Variants in ATP9B observed in about 807,000 individuals in gnomAD.
The protein encoded by ATP9B is ATPase phospholipid transporting 9B.
A neutral mutation model predicts 146.1 loss-of-function variants in ATP9B; 110 were observed. That is an observed-to-expected ratio of 0.75 (90% confidence interval 0.65 to 0.88). The LOEUF is 0.88. Among genes scored for constraint, ATP9B ranks in the 40% least tolerant of loss-of-function variants. The probability of loss-of-function intolerance (pLI) is 0.00; values close to 1 mark genes in which losing one functional copy is unlikely to be tolerated. For synonymous variants in ATP9B, 604 were observed against 569.7 expected, an observed-to-expected ratio of 1.06 and a Z score of -0.86; for missense variants, 1,499 against 1,496.4, an observed-to-expected ratio of 1.00 and a Z score of -0.03.
intron 11 of ATP9B, among the ~76,000 whole-genome samples, chr18:79,240,895 G>GA (rs2095881465): frequency 1.3e-5 from 2 of 152,196 alleles, no homozygotes; most frequent in African/African-American, 4.8e-5. Context: ...TGGGGACGGG[G>GA]AGCTGCTCGG....
In ATP9B at chr18:79,348,273, A is replaced by T. The variant is rs556479366; in HGVS notation, c.2903+77A>T. On this transcript the variant is annotated intron_variant, in intron 25 of 29. Transcript: ENST00000426216. ...GAAAAAAAAAAAAAAAAAAAAACAA[A>T]AAACGTATATAGAAGATTCTTGATA... 53 of 1,234,168 alleles carry T rather than the reference A, an allele frequency of 4.3e-5. No homozygotes were observed. In the African/African-American group the frequency reaches 7.2e-4, roughly 17 times the overall value. The allele number at this position is 1,234,168 out of a possible 1,614,324, so 76.5% of individuals were successfully genotyped here. A position where few individuals can be genotyped will look rare whatever the true frequency, so the allele number is the denominator to read the frequency against.
At chr18:79,232,142 GGAAGGAATTCTT>G (rs1384910826) in intron 11 of ATP9B, among the ~76,000 whole-genome samples, 1 of 152,090 alleles carries the variant, frequency 6.6e-6, no homozygotes, top group Admixed American at 6.5e-5. Context: ...CCCACCTGGG[GGAAGGAATTCTT>G]TCACTCCAAC....
chr18:79,275,685 G>A (rs932542528), intron 12 of ATP9B, among the ~76,000 whole-genome samples: 8 of 152,382 alleles, frequency 5.2e-5, no homozygotes, highest in East Asian at 3.9e-4. Flanking sequence ...AGCTGCAGCC[G>A]TCCTGCACCA....
intron 1 of ATP9B, among the ~76,000 whole-genome samples, chr18:79,071,474 A>G (rs185447969): frequency 7.6e-6 from 1 of 131,132 alleles, no homozygotes; most frequent in African/African-American, 2.9e-5. Context: ...AGCTCATTAC[A>G]GCTTTGATCT....
intron 9 of ATP9B, among the ~76,000 whole-genome samples, chr18:79,199,709 A>G (rs909100097): frequency 6.6e-6 from 1 of 151,670 alleles, no homozygotes; most frequent in African/African-American, 2.4e-5. Context: ...GGTTGCAGTG[A>G]GCTGAGATTG....
intron 12 of ATP9B, among the ~76,000 whole-genome samples, chr18:79,255,722 C>T (rs1422434799): frequency 1.3e-5 from 2 of 152,116 alleles, no homozygotes; most frequent in African/African-American, 2.4e-5. Context: ...CGAATGGGGT[C>T]GAGTCTCTGG....
At chr18:79,224,876 C>G (rs1452365866) in intron 11 of ATP9B, among the ~76,000 whole-genome samples, 1 of 151,820 alleles carries the variant, frequency 6.6e-6, no homozygotes, top group African/African-American at 2.4e-5. Context: ...TAGGAAACAC[C>G]AGTGGAGAAG....
intron 7 of ATP9B, among the ~76,000 whole-genome samples, chr18:79,168,897 C>T (rs1271116504): frequency 6.6e-6 from 1 of 152,066 alleles, no homozygotes; most frequent in African/African-American, 2.4e-5. Context: ...TTCCATGCCT[C>T]ATTCTTCTCC....
intron 15 of ATP9B, among the ~76,000 whole-genome samples, chr18:79,323,647 T>C (rs1348725992): frequency 6.6e-6 from 1 of 152,208 alleles, no homozygotes; most frequent in African/African-American, 2.4e-5. Context: ...TCTCATTCTT[T>C]AGTGATGGCT....
chr18:79,070,409 TC>T (rs375297914), intron 1 of ATP9B, among the ~76,000 whole-genome samples: 5 of 152,340 alleles, frequency 3.3e-5, no homozygotes, highest in African/African-American at 9.6e-5. Context: ...CGATTTACTC[TC>T]GGGTAACTTA....
chr18:79,154,498 T>C lies in ATP9B; in HGVS notation c.727-6T>C, dbSNP rs1434696695. On this transcript the variant is annotated splice_polypyrimidine_tract_variant and splice_region_variant and intron_variant, in intron 6 of 29. Coordinates refer to ENST00000426216, the MANE Select transcript of ATP9B (RefSeq NM_198531.5). ...GATAATTAATCTTTTATAATGCTCT[T>C]TGCAGAATCAAAGAATTCCATCGGA... 2.6e-6 allele frequency: 4 copies of C among 1,536,600 alleles called. No homozygotes were observed. The highest frequency in any genetic ancestry group is 3.5e-6 in the Non-Finnish European group (4 of 1,149,530).
intron 1 of ATP9B, among the ~76,000 whole-genome samples, chr18:79,082,374 G>A (rs1172928969): frequency 6.6e-6 from 1 of 152,112 alleles, no homozygotes; most frequent in Non-Finnish European, 1.5e-5. Context: ...GGAGGAGTTT[G>A]TTATTACCCA....
chr18:79,373,508 T>TTTTTTA (rs1555889598), intron 27 of ATP9B, among the ~76,000 whole-genome samples: 1 of 148,100 alleles, frequency 6.8e-6, no homozygotes, highest in African/African-American at 2.5e-5. Context: ...TTTTTTTTTT[T>TTTTTTA]AGACAGAGTC....
intron 11 of ATP9B, among the ~76,000 whole-genome samples, chr18:79,234,414 G>A (rs934701587): frequency 1.3e-5 from 2 of 152,220 alleles, no homozygotes; most frequent in East Asian, 1.9e-4. Flanking sequence ...ATTTACACCC[G>A]TGCAGGTGCA....
At chr18:79,140,099 T>TG (rs915183386) in intron 5 of ATP9B, among the ~76,000 whole-genome samples, 7 of 152,134 alleles carry the variant, frequency 4.6e-5, no homozygotes, top group African/African-American at 1.7e-4. Flanking sequence ...AGGTTAGACT[T>TG]GCTGTGTCAT....
At chr18:79,279,327 C>T (rs909356195) in intron 13 of ATP9B, among the ~76,000 whole-genome samples, 1 of 152,174 alleles carries the variant, frequency 6.6e-6, no homozygotes, top group Admixed American at 6.5e-5. Flanking sequence ...GGAAACCAGC[C>T]CTTTGGAGGA....
At chr18:79,327,757 G>C (rs1467463728) in intron 15 of ATP9B, among the ~76,000 whole-genome samples, 1 of 137,466 alleles carries the variant, frequency 7.3e-6, no homozygotes, top group Non-Finnish European at 1.6e-5. Context: ...CGTGGTTAGC[G>C]TGCTCTCTGT....
intron 9 of ATP9B, among the ~76,000 whole-genome samples, chr18:79,193,825 A>T (rs538882257): frequency 6.6e-6 from 1 of 152,352 alleles, no homozygotes; most frequent in East Asian, 1.9e-4. Flanking sequence ...ATTTTAGTAC[A>T]TGACTATAGG....
chr18:79,355,723 A>G (rs540946431), intron 25 of ATP9B, among the ~76,000 whole-genome samples: 7 of 152,332 alleles, frequency 4.6e-5, no homozygotes, highest in African/African-American at 1.7e-4. Context: ...TGAAGGAATA[A>G]AGGTGAAAAC....
Sources: gnomAD v4.1 joint callset for allele counts (sites outside exome capture counted in the v4.1 genomes callset) on GRCh38, gnomAD v4.1.1 for gene constraint, MANE v1.5 for transcripts, NCBI Gene and HGNC (gene_info 2026-07-23, HGNC 2026-07-21) for gene names.